Variants in MGAM observed in about 807,000 individuals in gnomAD.
The protein encoded by MGAM is alpha-1,4-glucosidase.
MGAM carries 253 observed loss-of-function variants against 358.8 expected under a neutral mutation model. That is an observed-to-expected ratio of 0.71 (90% confidence interval 0.64 to 0.78). The LOEUF is 0.78. Among genes scored for constraint, MGAM ranks in the 30% least tolerant of loss-of-function variants. The pLI, the probability that MGAM is intolerant of heterozygous loss-of-function variation, is 0.00. For synonymous variants in MGAM, 1,105 were observed against 1,227.1 expected, an observed-to-expected ratio of 0.90 and a Z score of 2.08; for missense variants, 3,080 against 3,432.6, an observed-to-expected ratio of 0.90 and a Z score of 2.57.
At chr7:142,094,700 T>C in intron 62 of MGAM, 46 bp downstream of exon 62, 7 of 1,612,812 alleles carry the variant, frequency 4.3e-6, no homozygotes, top group Non-Finnish European at 5.9e-6. Context: ...GGTGGGGACA[T>C]CTTTCAGAAA....
At chr7:142,023,716 A>G (rs2128997709) in intron 7 of MGAM, among the ~76,000 whole-genome samples, 1 of 152,080 alleles carries the variant, frequency 6.6e-6, no homozygotes, top group Admixed American at 6.5e-5. Flanking sequence ...GAAGAATCTA[A>G]TCCCTACTCT....
intron 65 of MGAM, among the ~76,000 whole-genome samples, 183 bp downstream of exon 65, chr7:142,096,598 C>G (rs1815934622): frequency 6.6e-6 from 1 of 152,200 alleles, no homozygotes; most frequent in African/African-American, 2.4e-5. Context: ...GCTCCTTCAT[C>G]TTTAAAATGA....
chr7:141,996,657 T>C (rs1804263555), intron 1 of MGAM, among the ~76,000 whole-genome samples: 1 of 152,188 alleles, frequency 6.6e-6, no homozygotes, highest in Non-Finnish European at 1.5e-5. Flanking sequence ...GGAGTTGTGA[T>C]TGAGAAAATG....
At position 142,098,593 on chromosome 7, in the gene MGAM, C is replaced by T. The variant is rs562843914; in HGVS notation, c.7749+944C>T. Among the ~76,000 whole-genome samples the T allele has an allele frequency of 3.9e-5, 6 of 152,214 alleles. No individual in the cohort carries two copies. The South Asian group carries it at 1.0e-3, about 26-fold the overall frequency. ...AGTCCATTGGAGCCCAAGTCCTCTC[C>T]ACAGCCCCAGACTCCTCTTCCTGCT... On this transcript the variant is annotated intron_variant, in intron 66 of 70. Transcript: ENST00000475668.
At chr7:142,049,021 C>T (rs748695498) in intron 22 of MGAM, among the ~76,000 whole-genome samples, 3 of 152,160 alleles carry the variant, frequency 2.0e-5, no homozygotes, top group African/African-American at 4.8e-5. Context: ...CCAGTTTCCA[C>T]ACCTGCAGGC....
At chr7:141,993,227 G>C (rs781890429), upstream of MGAM, among the ~76,000 whole-genome samples, 3 of 152,130 alleles carry the variant, frequency 2.0e-5, no homozygotes, top group Non-Finnish European at 4.4e-5. Flanking sequence ...AGCCCATAAA[G>C]ACAAATGCCT....
At chr7:141,999,118 G>T (rs1430574518) in intron 1 of MGAM, among the ~76,000 whole-genome samples, 1 of 152,044 alleles carries the variant, frequency 6.6e-6, no homozygotes, top group Non-Finnish European at 1.5e-5. Flanking sequence ...GTTCATTGTT[G>T]TGTAGTCAGT....
intron 21 of MGAM, among the ~76,000 whole-genome samples, chr7:142,042,016 T>C (rs1211322783): frequency 4.5e-5 from 1 of 22,056 alleles, no homozygotes; most frequent in Non-Finnish European, 6.6e-5. Context: ...TATAATATAA[T>C]ATATATATAT....
In MGAM at chr7:142,036,878, A is replaced by G; in HGVS notation, c.2132A>G (p.His711Arg). 1 of 1,613,616 alleles carries G rather than the reference A, an allele frequency of 6.2e-7. No individual in the cohort carries two copies. The highest frequency in any genetic ancestry group is 8.5e-7 in the Non-Finnish European group (1 of 1,179,602). The change falls in exon 18 of 71, where the codon CAC (histidine) becomes CGC (arginine). Residue 711 changes from histidine (H) to arginine (R), a missense_variant. Coordinates refer to ENST00000475668, the MANE Select transcript of MGAM (RefSeq NM_001365693.1). Reference protein sequence around the residue: ...ADSLLLNSSRHYLNIRYTLLP... With the variant: ...ADSLLLNSSRRYLNIRYTLLP... ...TCCCTGCTGTTGAATTCCTCCAGGCACTACCTTAACATCCGCTATACTCTA... is the reference window on the plus strand; with the variant it reads ...TCCCTGCTGTTGAATTCCTCCAGGCGCTACCTTAACATCCGCTATACTCTA...
At chr7:142,034,152 G>A (rs1487734204) in intron 14 of MGAM, 110 bp from the exon 15 acceptor site, 2 of 682,080 alleles carry the variant, frequency 2.9e-6, no homozygotes, top group African/African-American at 3.6e-5. Flanking sequence ...CTGTTTACAG[G>A]ATGCCCACAA....
rs562639920 is a variant in MGAM, at chr7:142,105,873, G to T, written c.8244G>T (p.Thr2748=). Residue 2748 remains threonine (T), a synonymous_variant, in exon 71 of 71, where the codon ACG becomes ACT. Coordinates refer to ENST00000475668, the MANE Select transcript of MGAM (RefSeq NM_001365693.1). ...GCCTACATAATTTTACTTCATTGAC[G>T]TGGATAAGCACTCTGTGAATTTTTA... ...NISLHNFTSL[T]WISTL is the part of the protein sequence containing the mutation. The T allele has an allele frequency of 1.2e-6, 2 of 1,611,464 alleles. No homozygotes were observed. Among genetic ancestry groups the T allele is most frequent in the Non-Finnish European group, 1.7e-6 (2 of 1,177,798 alleles).
intron 1 of MGAM, among the ~76,000 whole-genome samples, chr7:141,999,780 T>C (rs1278564872): frequency 2.0e-5 from 3 of 152,222 alleles, no homozygotes; most frequent in African/African-American, 7.2e-5. Flanking sequence ...TTTCCTTTTT[T>C]ATTTGCGTCT....
intron 54 of MGAM, among the ~76,000 whole-genome samples, chr7:142,085,034 G>T (rs1259845382): frequency 6.8e-6 from 1 of 146,640 alleles, no homozygotes; most frequent in Non-Finnish European, 1.5e-5. Flanking sequence ...TCAGACCATT[G>T]TATATGTGGA....
At chr7:142,033,000 T>A in intron 14 of MGAM, 91 bp downstream of exon 14, 1 of 837,178 alleles carries the variant, frequency 1.2e-6, no homozygotes, top group South Asian at 2.0e-5. Context: ...GGCAAGGGAA[T>A]TTGTTCATAA....
At chr7:141,989,043 A>G (rs1175777981) in intron 2 of MGAM, among the ~76,000 whole-genome samples, 2 of 151,832 alleles carry the variant, frequency 1.3e-5, no homozygotes, top group African/African-American at 4.8e-5. Context: ...GACTGTGAGA[A>G]ATCATTTTGA....
Position 142,094,382 on chromosome 7 carries a change from A to T in MGAM, c.7191A>T (p.Thr2397=). 1 of 1,526,800 alleles carries T rather than the reference A, an allele frequency of 6.5e-7. No homozygotes were observed. The highest frequency in any genetic ancestry group is 8.9e-7 in the Non-Finnish European group (1 of 1,117,864). The allele number at this position is 1,526,800 out of a possible 1,614,324, so 94.6% of individuals were successfully genotyped here. Residue 2397 remains threonine, a synonymous_variant, in exon 61 of 71, where the codon ACA becomes ACT. Coordinates refer to ENST00000475668, the MANE Select transcript of MGAM (RefSeq NM_001365693.1). ...CAACCAGAGCCGTGCAGGAGGTGACAGGACAGCGAGGGGTCGTCATCACCC... is the reference window on the plus strand; with the variant it reads ...CAACCAGAGCCGTGCAGGAGGTGACTGGACAGCGAGGGGTCGTCATCACCC... The part of the protein sequence containing the change: ...RPTYEAVQEV[T]GQRGVVITRS...
At chr7:142,040,194 C>T (rs1249729669) in intron 20 of MGAM, 23 bp downstream of exon 20, 2 of 1,585,002 alleles carry the variant, frequency 1.3e-6, no homozygotes, top group Non-Finnish European at 1.7e-6. Context: ...GACTTTTCTT[C>T]TACTCCTTAA....
chr7:142,031,690 G>C lies in MGAM; in HGVS notation c.1481G>C (p.Gly494Ala). ...VTPLIGEVWPGQTVFPDYTNP... is the reference protein window; with the variant it reads ...VTPLIGEVWPAQTVFPDYTNP... ...CTTTTTCTCCTGAAGGTCTGGCCTG[G>C]ACAAACTGTGTTTCCTGATTATACC... The change falls in exon 13 of 71, where the codon GGA becomes GCA. Residue 494 changes from glycine (G) to alanine (A), a missense_variant. Transcript: ENST00000475668. 1 of 1,611,294 alleles carries C rather than the reference G, an allele frequency of 6.2e-7. No homozygotes were observed.
intron 64 of MGAM, 23 bp downstream of exon 64, chr7:142,095,736 A>C: frequency 1.2e-6 from 2 of 1,610,482 alleles, no homozygotes; most frequent in Non-Finnish European, 1.7e-6. Context: ...CAGGGATCCC[A>C]ATGCCTAATG....
Sources: gnomAD v4.1 joint callset for allele counts (sites outside exome capture counted in the v4.1 genomes callset) on GRCh38, gnomAD v4.1.1 for gene constraint, MANE v1.5 for transcripts, NCBI Gene and HGNC (gene_info 2026-07-23, HGNC 2026-07-21) for gene names.